The following RASL11A variants were observed in gnomAD, a reference collection of about 807,000 sequenced individuals.
The protein encoded by RASL11A is ras-like protein family member 11A.
RASL11A carries 14 observed loss-of-function variants against 17.1 expected under a neutral mutation model. That is an observed-to-expected ratio of 0.82 (90% confidence interval 0.54 to 1.28). The LOEUF (loss-of-function observed/expected upper bound fraction) is 1.28. RASL11A is among the 50% of genes most tolerant of loss of function. RASL11A has a pLI of 0.00. For missense variants in RASL11A, 283 were observed against 312.3 expected (o/e 0.91, Z 0.71); for synonymous variants, 146 against 132.5 (o/e 1.10, Z -0.70).
chr13:27,271,946 C>A (rs1882305663), intron 3 of RASL11A, among the ~76,000 whole-genome samples: 1 of 152,188 alleles, frequency 6.6e-6, no homozygotes, highest in African/African-American at 2.4e-5. Context: ...TGTTAAGCAC[C>A]TGACTTAACT....
rs1168576232 is a variant in RASL11A at position 27,274,181 on chromosome 13, A to G, written c.*687A>G. 2.0e-5 allele frequency among the ~76,000 whole-genome samples: 3 copies of G among 152,062 alleles called. No individual in the cohort carries two copies. Among genetic ancestry groups the G allele is most frequent in the African/African-American group, 7.2e-5 (3 of 41,382 alleles). Reference sequence around the variant, plus strand: ...GCCTCAAAATTCTCCTTCCCTTCCAATAGGGCACCAGATATGTCCATCCTC... The same window carrying G: ...GCCTCAAAATTCTCCTTCCCTTCCAGTAGGGCACCAGATATGTCCATCCTC... On this transcript the variant is annotated 3_prime_UTR_variant, in exon 4 of 4. Coordinates refer to ENST00000241463, the MANE Select transcript of RASL11A (RefSeq NM_206827.2).
At chr13:27,271,348 C>T (rs1234715429) in intron 1 of RASL11A, 136 bp from the exon 2 acceptor site, 7 of 1,511,992 alleles carry the variant, frequency 4.6e-6, no homozygotes, top group African/African-American at 1.4e-5. Flanking sequence ...GCCCGCGGCA[C>T]CACGGCTTTG....
chr13:27,271,692 A>G lies in RASL11A; in HGVS notation c.235A>G (p.Ile79Val), dbSNP rs1235873272. 1 of 1,612,290 alleles carries G rather than the reference A, an allele frequency of 6.2e-7. No homozygotes were observed. ...YVEGDQLSLQ[I>V]QDTPGGVQIQ... Reference sequence around the variant, plus strand: ...CGAGGGGGACCAGCTCTCCCTGCAGATCCAGGATACTCCCGGGGGCGTCCA... The same window carrying G: ...CGAGGGGGACCAGCTCTCCCTGCAGGTCCAGGATACTCCCGGGGGCGTCCA... The change falls in exon 3 of 4, where the codon ATC (isoleucine) becomes GTC (valine). Residue 79 changes from isoleucine to valine, a missense_variant. By Grantham distance (29) the Ile-to-Val change is conservative. Coordinates refer to ENST00000241463, the MANE Select transcript of RASL11A (RefSeq NM_206827.2).
chr13:27,272,339 G>A (rs956266750), intron 3 of RASL11A, among the ~76,000 whole-genome samples: 1 of 152,110 alleles, frequency 6.6e-6, no homozygotes, highest in African/African-American at 2.4e-5. Context: ...CACTATGTTG[G>A]CCAGGCTGGT....
intron 1 of RASL11A, 28 bp downstream of exon 1, chr13:27,271,096 C>T (rs977332679): frequency 1.3e-6 from 2 of 1,544,914 alleles, no homozygotes; most frequent in Non-Finnish European, 1.7e-6. Flanking sequence ...CCCCGGGCGG[C>T]TTCGCTCCCC....
In RASL11A at chr13:27,271,676, C is replaced by T. The variant is rs1882295371; in HGVS notation, c.219C>T (p.Asp73=). ...LYSRLVYVEG[D]QLSLQIQDTP... ...CACGGCTGGTCTATGTCGAGGGGGA[C>T]CAGCTCTCCCTGCAGATCCAGGATA... Residue 73 remains aspartate, a synonymous_variant, in exon 3 of 4, where the codon GAC becomes GAT. Transcript: ENST00000241463. 1.2e-5 allele frequency: 20 copies of T among 1,613,238 alleles called. No individual in the cohort carries two copies. Among genetic ancestry groups the T allele is most frequent in the African/African-American group, 2.7e-5 (2 of 74,962 alleles).
Position 27,273,084 on chromosome 13 carries a change from G to A in RASL11A, c.319G>A (p.Glu107Lys), listed in dbSNP as rs760160690. The A allele has an allele frequency of 5.0e-6, 8 of 1,614,172 alleles. No homozygotes were observed. The Admixed American group carries it at 8.3e-5, about 17-fold the overall frequency. The change falls in exon 4 of 4, where the codon GAG (glutamate) becomes AAG (lysine). Residue 107 changes from glutamate (E) to lysine (K), a missense_variant. Transcript: ENST00000241463. ...DSLSKCVQWAEGFLLVYSITD... is the reference protein window; with the variant it reads ...DSLSKCVQWAKGFLLVYSITD... ...CCTGTCCAAATGCGTGCAGTGGGCC[G>A]AGGGTTTTCTGCTGGTCTATTCCAT...
Position 27,270,915 on chromosome 13 carries a change from G to T in RASL11A, c.-30G>T, listed in dbSNP as rs915572166. On this transcript the variant is annotated 5_prime_UTR_variant, in exon 1 of 4. Coordinates refer to ENST00000241463, the MANE Select transcript of RASL11A (RefSeq NM_206827.2). ...GGTGCGGCGAGGCCCAGCCCTCTCG[G>T]ATTGCGCGCCGGACCCCGGGACGCG... 9 of 1,566,564 alleles carry T rather than the reference G, an allele frequency of 5.7e-6. No individual in the cohort carries two copies. The highest frequency in any genetic ancestry group is 1.2e-5 in the South Asian group (1 of 84,964).
rs1178976502 is a variant in RASL11A, at chr13:27,274,900, G to A, written c.*1406G>A. Among the ~76,000 whole-genome samples the A allele has an allele frequency of 6.6e-6, 1 of 152,216 alleles. No individual in the cohort carries two copies. The highest frequency in any genetic ancestry group is 2.4e-5 in the African/African-American group (1 of 41,452). On this transcript the variant is annotated 3_prime_UTR_variant, in exon 4 of 4. Coordinates refer to ENST00000241463, the MANE Select transcript of RASL11A (RefSeq NM_206827.2). ...ACTTATGGTGCCAAGGGTCAATGAT[G>A]GGAGATTACCATGAAACAAATTGTT...
Position 27,273,756 on chromosome 13 carries a change from A to G in RASL11A, c.*262A>G, listed in dbSNP as rs1300897936. On this transcript the variant is annotated 3_prime_UTR_variant, in exon 4 of 4. Coordinates refer to ENST00000241463, the MANE Select transcript of RASL11A (RefSeq NM_206827.2). ...CTGGCCACTTTTCCATTAAAGGCAA[A>G]ATGGCAACATTGCTCATTGTTTTCT... The G allele has an allele frequency of 2.9e-6, 1 of 349,838 alleles. No homozygotes were observed. The highest frequency in any genetic ancestry group is 2.3e-5 in the African/African-American group (1 of 43,398). 21.7% of individuals were successfully genotyped at this position (349,838 alleles called of 1,614,324 possible).
rs368299409 is a variant in RASL11A, at chr13:27,271,082, G to A, written c.124+14G>A. ...TGGGCAAGAGCGGTGAGTGCGGCGG[G>A]GACCCCCGGGCGGCTTCGCTCCCCG... is the stretch of plus-strand genomic sequence containing the variant. On this transcript the variant is annotated intron_variant, in intron 1 of 3. Coordinates refer to ENST00000241463, the MANE Select transcript of RASL11A (RefSeq NM_206827.2). 9.0e-6 allele frequency: 14 copies of A among 1,553,166 alleles called. No individual in the cohort carries two copies. Among genetic ancestry groups the A allele is most frequent in the African/African-American group, 2.7e-5 (2 of 72,730 alleles).
At chr13:27,271,156 C>A in intron 1 of RASL11A, 88 bp downstream of exon 1, 1 of 1,488,760 alleles carries the variant, frequency 6.7e-7, no homozygotes, top group South Asian at 1.4e-5. Context: ...GCGCCTCGGC[C>A]GAAGCAGAGG....
chr13:27,272,087 G>T (rs1455067008), intron 3 of RASL11A, among the ~76,000 whole-genome samples: 1 of 152,176 alleles, frequency 6.6e-6, no homozygotes, highest in Non-Finnish European at 1.5e-5. Flanking sequence ...AAAGAGGTAG[G>T]ATTCTGATGG....
intron 1 of RASL11A, 155 bp downstream of exon 1, chr13:27,271,223 C>G (rs1447534837): frequency 5.5e-6 from 8 of 1,449,468 alleles, no homozygotes; most frequent in Non-Finnish European, 6.3e-6. Flanking sequence ...CGGTCCGTCC[C>G]GGCCTGCTTC....
At position 27,274,255 on chromosome 13, in the gene RASL11A, T is replaced by G. The variant is rs950101419; in HGVS notation, c.*761T>G. Among the ~76,000 whole-genome samples, 2 of 152,150 alleles carry G rather than the reference T, an allele frequency of 1.3e-5. No individual in the cohort carries two copies. Among genetic ancestry groups the G allele is most frequent in the Non-Finnish European group, 2.9e-5 (2 of 68,020 alleles). On this transcript the variant is annotated 3_prime_UTR_variant, in exon 4 of 4. Transcript: ENST00000241463. ...CACTGTCCCTTAATCTAGACCTCCC[T>G]TTGACTGGCAGGCAAGAATCTAGGC...
At position 27,273,171 on chromosome 13, in the gene RASL11A, C is replaced by A. The variant is rs1332248605; in HGVS notation, c.406C>A (p.Pro136Thr). ...TTATCAGCACATCCGGAAGGTCCAC[C>A]CTGACTCTAAAGCCCCTGTCATCAT... ...PLYQHIRKVH[P>T]DSKAPVIIVG... Residue 136 changes from proline to threonine, a missense_variant, in exon 4 of 4, where the codon CCT becomes ACT. Coordinates refer to ENST00000241463, the MANE Select transcript of RASL11A (RefSeq NM_206827.2). 6.2e-7 allele frequency: 1 copy of A among 1,614,064 alleles called. No individual in the cohort carries two copies. The highest frequency in any genetic ancestry group is 2.2e-5 in the East Asian group (1 of 44,900).
intron 3 of RASL11A, 75 bp from the exon 4 acceptor site, chr13:27,272,952 T>C (rs1882338722): frequency 4.4e-6 from 5 of 1,148,370 alleles, no homozygotes; most frequent in Non-Finnish European, 6.4e-6. Context: ...TCTTCAAGGG[T>C]TGCCTTGATG....
rs1256038589 is a variant in RASL11A, at chr13:27,271,072, A to T, written c.124+4A>T. ...GCCGGCCGCGTGGGCAAGAGCGGTG[A>T]GTGCGGCGGGGACCCCCGGGCGGCT... On this transcript the variant is annotated splice_donor_region_variant and intron_variant, in intron 1 of 3. Transcript: ENST00000241463. The T allele has an allele frequency of 1.3e-6, 2 of 1,565,532 alleles. No homozygotes were observed. Among genetic ancestry groups the T allele is most frequent in the African/African-American group, 2.7e-5 (2 of 73,306 alleles).
Position 27,273,175 on chromosome 13 carries a change from A to C in RASL11A, c.410A>C (p.Asp137Ala). 1 of 1,613,928 alleles carries C rather than the reference A, an allele frequency of 6.2e-7. No homozygotes were observed. Among genetic ancestry groups the C allele is most frequent in the Non-Finnish European group, 8.5e-7 (1 of 1,179,986 alleles). Residue 137 changes from aspartate (D) to alanine (A), a missense_variant, in exon 4 of 4, where the codon GAC becomes GCC. Physicochemically the swap from Asp to Ala is moderately radical, Grantham distance 126. Transcript: ENST00000241463. ...LYQHIRKVHP[D>A]SKAPVIIVGN... ...CAGCACATCCGGAAGGTCCACCCTG[A>C]CTCTAAAGCCCCTGTCATCATCGTG...
Sources: allele counts gnomAD v4.1 joint callset (sites outside exome capture counted in the v4.1 genomes callset), GRCh38; gene constraint gnomAD v4.1.1; transcripts MANE v1.5; gene names NCBI Gene and HGNC (gene_info 2026-07-23, HGNC 2026-07-21).